The following MMS22L variants were observed in gnomAD, a reference collection of about 807,000 sequenced individuals.
MMS22L encodes the protein MMS22 like, DNA repair protein, also known as protein MMS22-like.
Under a neutral mutation model 159.1 loss-of-function variants are expected in MMS22L, and 74 were observed. That is an observed-to-expected ratio of 0.47 (90% confidence interval 0.39 to 0.56). The LOEUF (loss-of-function observed/expected upper bound fraction) is 0.56. Among genes scored for constraint, MMS22L ranks in the 20% least tolerant of loss-of-function variants. The probability of loss-of-function intolerance (pLI) is 0.00; values close to 1 mark genes in which losing one functional copy is unlikely to be tolerated. For missense variants in MMS22L, 1,351 were observed against 1,422.1 expected (o/e 0.95, Z 0.80); for synonymous variants, 517 against 506.9 (o/e 1.02, Z -0.27).
At chr6:97,225,911 A>T (rs993870775) in intron 14 of MMS22L, among the ~76,000 whole-genome samples, 1 of 152,188 alleles carries the variant, frequency 6.6e-6, no homozygotes, top group African/African-American at 2.4e-5. Context: ...TACACTCCAT[A>T]CAATGATCTA....
In MMS22L at chr6:97,151,798, G is replaced by A. The variant is rs138146580; in HGVS notation, c.3455C>T (p.Pro1152Leu). ...KACQVGSEEE[P>L]SSQLTSVFRQ... ...AAACACAGAAGTCAGCTGGGAGGAA[G>A]GTTCTTCTTCTGACCCCACTTGGCA... The change falls in exon 23 of 25, where the codon CCT (proline) becomes CTT (leucine). Residue 1152 changes from proline (P) to leucine (L), a missense_variant. By Grantham distance (98) the Pro-to-Leu change is moderately conservative (BLOSUM62 -3). Coordinates refer to ENST00000683635, the MANE Select transcript of MMS22L (RefSeq NM_001350599.2). 0.018 allele frequency: 29,476 copies of A among 1,613,514 alleles called. 385 individuals carry two copies. The highest frequency in any genetic ancestry group is 0.019 in the Non-Finnish European group (22,550 of 1,179,582).
intron 14 of MMS22L, among the ~76,000 whole-genome samples, chr6:97,204,786 CTCAG>C (rs1807572776): frequency 9.8e-6 from 1 of 101,852 alleles, no homozygotes; most frequent in Non-Finnish European, 1.9e-5. Flanking sequence ...TGAAGTGAGA[CTCAG>C]TGTCAAAAAA....
intron 20 of MMS22L, 70 bp from the exon 21 acceptor site, chr6:97,165,527 C>T (rs913581224): frequency 3.5e-5 from 42 of 1,208,048 alleles, no homozygotes; most frequent in Non-Finnish European, 8.2e-6. Flanking sequence ...TAGAAACTCA[C>T]TAATGAAGTC....
chr6:97,278,939 C>T (rs1020595289), intron 3 of MMS22L, 41 bp from the exon 4 acceptor site: 1 of 1,547,412 alleles, frequency 6.5e-7, no homozygotes, highest in Non-Finnish European at 8.9e-7. Context: ...TTTTAGAACA[C>T]TTTAAAGCAT....
intron 17 of MMS22L, 88 bp from the exon 18 acceptor site, chr6:97,178,673 A>G: frequency 1.7e-6 from 1 of 598,472 alleles, no homozygotes; most frequent in Non-Finnish European, 2.7e-6. Flanking sequence ...TAATGTATAT[A>G]TGAGAAGTAA....
intron 15 of MMS22L, among the ~76,000 whole-genome samples, chr6:97,182,555 G>C (rs1804822444): frequency 6.6e-6 from 1 of 152,180 alleles, no homozygotes. Context: ...CTAGGAACTA[G>C]AATTCCTTAG....
chr6:97,151,121 T>C (rs1801276303), intron 23 of MMS22L, among the ~76,000 whole-genome samples: 1 of 152,198 alleles, frequency 6.6e-6, no homozygotes, highest in Non-Finnish European at 1.5e-5. Context: ...AAGGCCTGTG[T>C]ACCTGTCATC....
At chr6:97,202,777 C>T (rs1363252745) in intron 14 of MMS22L, among the ~76,000 whole-genome samples, 1 of 151,944 alleles carries the variant, frequency 6.6e-6, no homozygotes, top group Non-Finnish European at 1.5e-5. Flanking sequence ...TAAAAGAGTA[C>T]CTAATAGTAA....
At chr6:97,203,279 C>T (rs569086095) in intron 14 of MMS22L, among the ~76,000 whole-genome samples, 1 of 152,112 alleles carries the variant, frequency 6.6e-6, no homozygotes, top group East Asian at 1.9e-4. Flanking sequence ...TAACCTTTTG[C>T]TCACAACAGG....
At chr6:97,189,026 G>A (rs984595806) in intron 14 of MMS22L, among the ~76,000 whole-genome samples, 4 of 151,482 alleles carry the variant, frequency 2.6e-5, no homozygotes, top group African/African-American at 4.8e-5. Context: ...TAAGAAAAGG[G>A]GCTGGAAAAG....
intron 18 of MMS22L, among the ~76,000 whole-genome samples, chr6:97,174,520 A>G (rs552410273): frequency 6.6e-6 from 1 of 152,262 alleles, no homozygotes; most frequent in Non-Finnish European, 1.5e-5. Flanking sequence ...TGTTGGTAAG[A>G]GTAGCTGAAG....
At chr6:97,159,722 T>C (rs1802223259) in intron 22 of MMS22L, among the ~76,000 whole-genome samples, 1 of 151,920 alleles carries the variant, frequency 6.6e-6, no homozygotes, top group African/African-American at 2.4e-5. Flanking sequence ...TTGCATATAC[T>C]ATTTATAAAT....
intron 11 of MMS22L, among the ~76,000 whole-genome samples, chr6:97,240,260 T>C (rs1360504266): frequency 1.3e-5 from 2 of 152,188 alleles, no homozygotes; most frequent in African/African-American, 2.4e-5. Context: ...ACTGAAGGAA[T>C]AGCAGAGAAC....
chr6:97,148,919 G>A (rs1164067322), intron 24 of MMS22L, among the ~76,000 whole-genome samples: 2 of 151,326 alleles, frequency 1.3e-5, no homozygotes, highest in African/African-American at 4.9e-5. Flanking sequence ...GCCCTATATA[G>A]GTATACCATT....
intron 14 of MMS22L, among the ~76,000 whole-genome samples, chr6:97,188,786 C>T (rs1258575038): frequency 6.6e-6 from 1 of 151,956 alleles, no homozygotes; most frequent in Non-Finnish European, 1.5e-5. Flanking sequence ...ATGGTGAAAT[C>T]CCCTCCCTAA....
At chr6:97,214,004 C>T (rs1808683949) in intron 14 of MMS22L, among the ~76,000 whole-genome samples, 1 of 152,092 alleles carries the variant, frequency 6.6e-6, no homozygotes, top group Non-Finnish European at 1.5e-5. Flanking sequence ...AAATTTGCAT[C>T]TGTTGGATAT....
chr6:97,225,443 C>T (rs1050355581), intron 14 of MMS22L, among the ~76,000 whole-genome samples: 1 of 151,948 alleles, frequency 6.6e-6, no homozygotes, highest in Non-Finnish European at 1.5e-5. Context: ...CACCACCTCC[C>T]GGGTTCAAGC....
chr6:97,227,201 A>G (rs1810361728), intron 14 of MMS22L, among the ~76,000 whole-genome samples: 1 of 152,306 alleles, frequency 6.6e-6, no homozygotes, highest in Admixed American at 6.5e-5. Context: ...GTAAGAAGCA[A>G]TATAATTGTT....
chr6:97,162,797 A>G (rs1210993063), intron 21 of MMS22L, among the ~76,000 whole-genome samples: 1 of 152,004 alleles, frequency 6.6e-6, no homozygotes, highest in Non-Finnish European at 1.5e-5. Context: ...TCATCTTTGT[A>G]TATTCTCACC....
Sources: allele counts gnomAD v4.1 joint callset (sites outside exome capture counted in the v4.1 genomes callset), GRCh38; gene constraint gnomAD v4.1.1; transcripts MANE v1.5; gene names NCBI Gene and HGNC (gene_info 2026-07-23, HGNC 2026-07-21).